PTN: variants seen among roughly 807,000 people sequenced by gnomAD.
PTN encodes the protein pleiotrophin.
In PTN, 18 loss-of-function variants were observed where a neutral mutation model predicts 24.1. The ratio of observed to expected loss-of-function variants is 0.75; its 90% CI spans 0.52 to 1.11. PTN has a LOEUF of 1.11. PTN is among the 50% of genes least tolerant of loss of function. The pLI, the probability that PTN is intolerant of heterozygous loss-of-function variation, is 0.00. For synonymous variants in PTN, 78 were observed against 68.6 expected (o/e 1.14, Z -0.67); for missense variants, 163 against 198.8 (o/e 0.82, Z 1.08).
chr7:137,235,796 A>G (rs1399565032), intron 4 of PTN, among the ~76,000 whole-genome samples: 1 of 152,112 alleles, frequency 6.6e-6, no homozygotes, highest in Admixed American at 6.6e-5. Flanking sequence ...ATTTCATAGC[A>G]ATACCTTCTA....
chr7:137,291,760 T>C (rs1452747486), intron 1 of PTN, among the ~76,000 whole-genome samples: 3 of 152,180 alleles, frequency 2.0e-5, no homozygotes, highest in Admixed American at 1.3e-4. Flanking sequence ...AGGGAAATTG[T>C]CTTACTTTAC....
At chr7:137,230,678 G>T (rs1365500654) in intron 4 of PTN, among the ~76,000 whole-genome samples, 1 of 151,700 alleles carries the variant, frequency 6.6e-6, no homozygotes. Flanking sequence ...AATGAGCTTT[G>T]TCACTGCTTA....
chr7:137,320,028 T>C (rs1486669205), intron 1 of PTN, among the ~76,000 whole-genome samples: 1 of 152,180 alleles, frequency 6.6e-6, no homozygotes. Flanking sequence ...AACAAATCTC[T>C]CTCTCTTTCT....
At chr7:137,278,417 A>G (rs1307346577) in intron 1 of PTN, among the ~76,000 whole-genome samples, 1 of 151,582 alleles carries the variant, frequency 6.6e-6, no homozygotes, top group Non-Finnish European at 1.5e-5. Context: ...GAAGAGATCT[A>G]TTTTAAATAT....
At chr7:137,278,922 C>T (rs181132105) in intron 1 of PTN, among the ~76,000 whole-genome samples, 1 of 147,088 alleles carries the variant, frequency 6.8e-6, no homozygotes, top group African/African-American at 2.5e-5. Context: ...GCCTGGGTGA[C>T]AAAGTGAGAC....
At chr7:137,241,264 C>T (rs1256494863) in intron 4 of PTN, among the ~76,000 whole-genome samples, 1 of 152,120 alleles carries the variant, frequency 6.6e-6, no homozygotes, top group African/African-American at 2.4e-5. Context: ...GAAACAGAGC[C>T]ATATCATTAT....
At chr7:137,258,154 C>T (rs1808968578) in intron 1 of PTN, among the ~76,000 whole-genome samples, 2 of 152,026 alleles carry the variant, frequency 1.3e-5, no homozygotes, top group South Asian at 2.1e-4. Flanking sequence ...AACACACAGG[C>T]CATAATTTCC....
chr7:137,249,816 A>T (rs1808791443), intron 4 of PTN, among the ~76,000 whole-genome samples: 1 of 152,104 alleles, frequency 6.6e-6, no homozygotes, highest in Admixed American at 6.5e-5. Flanking sequence ...GATTTCCATG[A>T]TCTGGAAAGG....
chr7:137,299,150 G>A (rs1554468863), intron 1 of PTN, among the ~76,000 whole-genome samples: 1 of 151,870 alleles, frequency 6.6e-6, no homozygotes, highest in Non-Finnish European at 1.5e-5. Flanking sequence ...AATATGCCTA[G>A]CCCTACCTCC....
intron 4 of PTN, among the ~76,000 whole-genome samples, chr7:137,232,297 A>T (rs1808440417): frequency 1.3e-5 from 2 of 152,108 alleles, no homozygotes; most frequent in South Asian, 4.1e-4. Context: ...ACTGCACTGG[A>T]ATCTCACAGC....
intron 1 of PTN, among the ~76,000 whole-genome samples, chr7:137,301,519 C>T (rs1183930319): frequency 6.6e-6 from 1 of 151,618 alleles, no homozygotes; most frequent in East Asian, 1.9e-4. Flanking sequence ...CAACTCAAAG[C>T]GTCCATAGCT....
At chr7:137,311,846 T>C (rs982368829) in intron 1 of PTN, among the ~76,000 whole-genome samples, 1 of 128,982 alleles carries the variant, frequency 7.8e-6, no homozygotes, top group South Asian at 2.1e-4. Context: ...TTTTGAAATA[T>C]GGTATAAATT....
At position 137,289,027 on chromosome 7, in the gene PTN, CAT is replaced by C. The variant is rs571357620; in HGVS notation, c.-1-34055_-1-34054del. 4.1e-4 allele frequency among the ~76,000 whole-genome samples: 62 copies of C among 152,250 alleles called. 1 individual carries two copies. In the South Asian group the frequency reaches 0.011, roughly 28 times the overall value. On this transcript the variant is annotated intron_variant, in intron 1 of 4. Transcript: ENST00000348225. ...ATGGTAAGATGTGTTTATATGCACA[CAT>C]AGTCTTATTTAATCATCGCAATCAC...
intron 1 of PTN, among the ~76,000 whole-genome samples, chr7:137,267,782 C>G (rs1225277820): frequency 2.0e-5 from 3 of 152,058 alleles, no homozygotes; most frequent in Non-Finnish European, 4.4e-5. Context: ...AAACCAGAAT[C>G]AAAACCAAAA....
chr7:137,330,164 G>A (rs1399035947), intron 1 of PTN, among the ~76,000 whole-genome samples: 1 of 152,116 alleles, frequency 6.6e-6, no homozygotes, highest in East Asian at 1.9e-4. Flanking sequence ...ACATGGGCCT[G>A]TAATCCCAGC....
intron 1 of PTN, among the ~76,000 whole-genome samples, chr7:137,259,603 A>C (rs890636245): frequency 1.3e-5 from 2 of 151,420 alleles, no homozygotes. Context: ...CTTACTACAA[A>C]GAAGTGCTTT....
chr7:137,274,982 A>T (rs906608740), intron 1 of PTN, among the ~76,000 whole-genome samples: 8 of 152,228 alleles, frequency 5.3e-5, no homozygotes, highest in African/African-American at 1.9e-4. Context: ...CATCAATGGA[A>T]ACACAGAGTT....
At chr7:137,261,024 A>C (rs1288076118) in intron 1 of PTN, among the ~76,000 whole-genome samples, 1 of 152,160 alleles carries the variant, frequency 6.6e-6, no homozygotes, top group Admixed American at 6.5e-5. Flanking sequence ...TTATTTATCT[A>C]GTTTTCAAGA....
At chr7:137,295,600 A>G (rs1809707164) in intron 1 of PTN, among the ~76,000 whole-genome samples, 1 of 152,148 alleles carries the variant, frequency 6.6e-6, no homozygotes, top group African/African-American at 2.4e-5. Context: ...AAAGTATATC[A>G]TTCACAAGTT....
Sources: gnomAD v4.1 joint callset for allele counts (sites outside exome capture counted in the v4.1 genomes callset) on GRCh38, gnomAD v4.1.1 for gene constraint, MANE v1.5 for transcripts, NCBI Gene and HGNC (gene_info 2026-07-23, HGNC 2026-07-21) for gene names.